Variants in UBE2W observed in about 807,000 individuals in gnomAD.
UBE2W encodes the protein ubiquitin conjugating enzyme E2 W, also known as ubiquitin-conjugating enzyme E2 W.
UBE2W carries 18 observed loss-of-function variants against 27.2 expected under a neutral mutation model. The observed-to-expected ratio is 0.66, with a 90% CI of 0.46 to 0.98. UBE2W has a LOEUF of 0.98. Ranked by LOEUF, UBE2W falls within the 50% of genes least tolerant of loss-of-function variation. The probability of loss-of-function intolerance (pLI) is 0.00; values close to 1 mark genes in which losing one functional copy is unlikely to be tolerated. For synonymous variants in UBE2W, 53 were observed against 57.2 expected (o/e 0.93, Z 0.33); for missense variants, 90 against 180.2 (o/e 0.50, Z 2.87).
chr8:73,852,253 GGGTGGGTAT>G (rs1220536792), intron 1 of UBE2W, among the ~76,000 whole-genome samples: 1 of 152,142 alleles, frequency 6.6e-6, no homozygotes, highest in Non-Finnish European at 1.5e-5. Context: ...GCCCTCTTTA[GGGTGGGTAT>G]GCTGTCTACC....
chr8:73,874,121 A>G (rs906164407), intron 1 of UBE2W, among the ~76,000 whole-genome samples: 2 of 152,208 alleles, frequency 1.3e-5, no homozygotes, highest in African/African-American at 2.4e-5. Flanking sequence ...TACATAGGAA[A>G]GAAAAAAGGT....
intron 1 of UBE2W, among the ~76,000 whole-genome samples, chr8:73,870,080 T>C (rs1811939480): frequency 1.3e-5 from 2 of 152,218 alleles, no homozygotes; most frequent in Admixed American, 1.3e-4. Flanking sequence ...ACAGCAGTGA[T>C]GGTTCTGAAC....
chr8:73,866,063 G>A (rs979403633), intron 1 of UBE2W, among the ~76,000 whole-genome samples: 1 of 151,880 alleles, frequency 6.6e-6, no homozygotes, highest in Non-Finnish European at 1.5e-5. Flanking sequence ...GGATCATGAG[G>A]TCAAGAGATC....
At chr8:73,803,920 C>T (rs544313152) in intron 5 of UBE2W, among the ~76,000 whole-genome samples, 100 of 152,096 alleles carry the variant, frequency 6.6e-4, no homozygotes, top group African/African-American at 2.2e-3. Flanking sequence ...GCGCCTGCCA[C>T]CACGCCCGGC....
At chr8:73,807,333 T>C (rs568843749) in intron 4 of UBE2W, among the ~76,000 whole-genome samples, 27 of 152,318 alleles carry the variant, frequency 1.8e-4, no homozygotes, top group African/African-American at 6.3e-4. Context: ...GTGAATTTGG[T>C]ATGACATCAT....
intron 3 of UBE2W, among the ~76,000 whole-genome samples, chr8:73,822,643 G>C (rs1392696701): frequency 1.5e-5 from 2 of 130,834 alleles, no homozygotes; most frequent in Non-Finnish European, 3.3e-5. Flanking sequence ...AATTAGCTGG[G>C]TGTGGTGGCA....
At position 73,841,910 on chromosome 8, in the gene UBE2W, T is replaced by C. The variant is rs576355399; in HGVS notation, c.16-11438A>G. Among the ~76,000 whole-genome samples the C allele has an allele frequency of 1.2e-3, 182 of 149,842 alleles. 1 individual carries two copies. Among genetic ancestry groups the C allele is most frequent in the Non-Finnish European group, 2.0e-3 (139 of 67,990 alleles). On this transcript the variant is annotated intron_variant, in intron 1 of 5. Transcript: ENST00000602593. ...ACAATGAAATTTGCCTACTTTAAAC[T>C]GAAAAAAATTCTCCCCTGAAATTTC...
Position 73,833,184 on chromosome 8 carries a change from CAA to C in UBE2W, c.16-2714_16-2713del, listed in dbSNP as rs1202478660. Among the ~76,000 whole-genome samples the C allele has an allele frequency of 1.3e-4, 4 of 31,390 alleles. No individual in the cohort carries two copies. The South Asian group carries it at 5.0e-3, about 39-fold the overall frequency. 20.6% of individuals were successfully genotyped at this position (31,390 alleles called of 152,430 possible). On this transcript the variant is annotated intron_variant, in intron 1 of 5. Transcript: ENST00000602593. The stretch of plus-strand genomic sequence containing the variant: ...TGGGCGACAGAGTGAGACTCCACCT[CAA>C]AAAAAAAAAAAAAAAAAAAAAAGCC...
chr8:73,857,627 C>A (rs1387436956), intron 1 of UBE2W, among the ~76,000 whole-genome samples: 1 of 151,838 alleles, frequency 6.6e-6, no homozygotes, highest in Non-Finnish European at 1.5e-5. Context: ...ACCAGCCTGG[C>A]CAATATAGTG....
intron 1 of UBE2W, among the ~76,000 whole-genome samples, chr8:73,871,711 CAAT>C (rs1460818763): frequency 1.3e-5 from 2 of 151,898 alleles, no homozygotes; most frequent in Admixed American, 6.6e-5. Context: ...AAGCAGACAG[CAAT>C]AATATAAAGA....
At chr8:73,816,808 G>A (rs1357598591) in intron 3 of UBE2W, among the ~76,000 whole-genome samples, 3 of 152,190 alleles carry the variant, frequency 2.0e-5, no homozygotes, top group Non-Finnish European at 2.9e-5. Flanking sequence ...CGAGGTGGGC[G>A]GATCACTGGG....
chr8:73,820,979 A>G (rs1809589297), intron 3 of UBE2W, among the ~76,000 whole-genome samples: 1 of 152,178 alleles, frequency 6.6e-6, no homozygotes, highest in African/African-American at 2.4e-5. Flanking sequence ...GTAAATTAAA[A>G]AAGGAATCCT....
intron 1 of UBE2W, among the ~76,000 whole-genome samples, chr8:73,877,182 T>C (rs1394156119): frequency 6.6e-6 from 1 of 152,260 alleles, no homozygotes; most frequent in Non-Finnish European, 1.5e-5. Context: ...TCATAAAAAA[T>C]GTTTTAATCT....
downstream of UBE2W, among the ~76,000 whole-genome samples, chr8:73,785,144 T>C (rs1277219170): frequency 6.6e-6 from 1 of 152,192 alleles, no homozygotes; most frequent in Non-Finnish European, 1.5e-5. Context: ...TTTCAGGTCA[T>C]GACAATATTT....
chr8:73,790,319 CA>C lies in UBE2W; in HGVS notation c.*3782del, dbSNP rs1808139003. On this transcript the variant is annotated 3_prime_UTR_variant, in exon 6 of 6. Coordinates refer to ENST00000602593, the MANE Select transcript of UBE2W (RefSeq NM_018299.6). ...ATTTAAAACAATTTAAAAAGGACTA[CA>C]AAGAGGATTGGGGCCAGTTGGTGCA... The C allele has an allele frequency of 1.0e-6, 1 of 985,190 alleles. No homozygotes were observed. Among genetic ancestry groups the C allele is most frequent in the Admixed American group, 6.2e-5 (1 of 16,248 alleles). 61.0% of individuals were successfully genotyped at this position (985,190 alleles called of 1,614,324 possible).
At chr8:73,828,015 C>G (rs1348618288) in intron 2 of UBE2W, among the ~76,000 whole-genome samples, 1 of 152,102 alleles carries the variant, frequency 6.6e-6, no homozygotes, top group Non-Finnish European at 1.5e-5. Context: ...AAATGGCAGC[C>G]CAGTAGCTGC....
intron 1 of UBE2W, among the ~76,000 whole-genome samples, chr8:73,847,069 T>A (rs1407782159): frequency 6.6e-6 from 1 of 151,614 alleles, no homozygotes; most frequent in Non-Finnish European, 1.5e-5. Flanking sequence ...CTTGGGAGGC[T>A]GAGGCAGGAG....
intron 4 of UBE2W, among the ~76,000 whole-genome samples, chr8:73,807,448 T>C (rs1465877318): frequency 6.6e-6 from 1 of 152,200 alleles, no homozygotes; most frequent in Admixed American, 6.5e-5. Context: ...TATGTAACTA[T>C]CAGTCTAGTT....
intron 1 of UBE2W, among the ~76,000 whole-genome samples, chr8:73,861,597 C>T (rs559880481): frequency 1.1e-4 from 17 of 152,236 alleles, no homozygotes; most frequent in South Asian, 1.0e-3. Flanking sequence ...CATGAGCCAT[C>T]GTGACCAACC....
Sources: gnomAD v4.1 joint callset for allele counts (sites outside exome capture counted in the v4.1 genomes callset) on GRCh38, gnomAD v4.1.1 for gene constraint, MANE v1.5 for transcripts, NCBI Gene and HGNC (gene_info 2026-07-23, HGNC 2026-07-21) for gene names.